Variants in CACNA2D3 observed in about 807,000 individuals in gnomAD.
The protein encoded by CACNA2D3 is voltage-dependent calcium channel subunit alpha-2/delta-3.
CACNA2D3 carries 60 observed loss-of-function variants against 160.6 expected under a neutral mutation model. That is an observed-to-expected ratio of 0.37 (90% confidence interval 0.30 to 0.46). The LOEUF (loss-of-function observed/expected upper bound fraction) is 0.46, where lower values mean the gene tolerates loss of function less well. Ranked by LOEUF, CACNA2D3 falls within the 20% of genes least tolerant of loss-of-function variation. The probability of loss-of-function intolerance (pLI) is 1.00; values close to 1 mark genes in which losing one functional copy is unlikely to be tolerated. For synonymous variants in CACNA2D3, 558 were observed against 492.9 expected, an observed-to-expected ratio of 1.13 and a Z score of -1.75; for missense variants, 1,205 against 1,365.0, an observed-to-expected ratio of 0.88 and a Z score of 1.85.
At chr3:54,661,751 G>A (rs1199217879) in intron 11 of CACNA2D3, among the ~76,000 whole-genome samples, 5 of 152,030 alleles carry the variant, frequency 3.3e-5, no homozygotes, top group Admixed American at 2.0e-4. Context: ...TTCACCAGAG[G>A]TGGTAAAAGG....
intron 13 of CACNA2D3, among the ~76,000 whole-genome samples, chr3:54,796,330 T>C (rs1205974746): frequency 2.0e-5 from 3 of 152,180 alleles, no homozygotes; most frequent in Non-Finnish European, 2.9e-5. Context: ...GGGGGCTTTC[T>C]GTGAGCATGC....
At chr3:55,068,711 A>G (rs1704726925) in intron 35 of CACNA2D3, among the ~76,000 whole-genome samples, 1 of 152,126 alleles carries the variant, frequency 6.6e-6, no homozygotes, top group African/African-American at 2.4e-5. Flanking sequence ...GGTGCCAAGA[A>G]GACCACCGAG....
At chr3:54,838,425 C>T in intron 15 of CACNA2D3, 143 bp from the exon 16 acceptor site, 1 of 683,570 alleles carries the variant, frequency 1.5e-6, no homozygotes, top group Non-Finnish European at 2.6e-6. Flanking sequence ...TAGAAGAGAC[C>T]ATTCTTGGAG....
chr3:54,133,793 T>C (rs1699764165), intron 2 of CACNA2D3, among the ~76,000 whole-genome samples: 3 of 152,186 alleles, frequency 2.0e-5, no homozygotes, highest in Admixed American at 2.0e-4. Context: ...AGTTTTCCTT[T>C]GTGTATTCCC....
At chr3:55,016,719 T>G (rs1268377694) in intron 34 of CACNA2D3, among the ~76,000 whole-genome samples, 1 of 152,242 alleles carries the variant, frequency 6.6e-6, no homozygotes, top group Non-Finnish European at 1.5e-5. Flanking sequence ...TTCTATATTC[T>G]GACTAAAAGA....
chr3:54,536,424 T>C (rs927231811), intron 5 of CACNA2D3, among the ~76,000 whole-genome samples: 1 of 152,220 alleles, frequency 6.6e-6, no homozygotes, highest in Non-Finnish European at 1.5e-5. Context: ...AATTGAGATA[T>C]GCAGAGAGGG....
chr3:54,803,339 A>G (rs1325384756), intron 13 of CACNA2D3, among the ~76,000 whole-genome samples: 1 of 152,184 alleles, frequency 6.6e-6, no homozygotes, highest in Non-Finnish European at 1.5e-5. Context: ...GTATAAGTAG[A>G]ATAACCAATA....
chr3:54,856,049 A>C (rs1371426985), intron 17 of CACNA2D3, among the ~76,000 whole-genome samples: 1 of 152,178 alleles, frequency 6.6e-6, no homozygotes, highest in Non-Finnish European at 1.5e-5. Flanking sequence ...AAATATCATG[A>C]CACATCTGCT....
At position 54,880,916 on chromosome 3, in the gene CACNA2D3, AG is replaced by A. The variant is rs1575527800; in HGVS notation, c.1912+54del. 4.0e-6 allele frequency: 6 copies of A among 1,488,038 alleles called. No homozygotes were observed. The East Asian group carries it at 1.4e-4, about 34-fold the overall frequency. The allele number at this position is 1,488,038 out of a possible 1,614,324, so 92.2% of individuals were successfully genotyped here. On this transcript the variant is annotated intron_variant, in intron 21 of 37. Transcript: ENST00000474759. The stretch of plus-strand genomic sequence containing the variant: ...CTTTGGTGTGGGAGGAAAGCTCGGG[AG>A]CTAGCTACTGAGTTAGCTGAAGAAC...
chr3:54,648,694 C>T (rs1031136386), intron 11 of CACNA2D3, among the ~76,000 whole-genome samples: 6 of 152,206 alleles, frequency 3.9e-5, no homozygotes, highest in Non-Finnish European at 7.3e-5. Context: ...GTATATGGCA[C>T]GTGGATCTGC....
At chr3:54,149,992 C>G (rs916372068) in intron 2 of CACNA2D3, among the ~76,000 whole-genome samples, 1 of 136,366 alleles carries the variant, frequency 7.3e-6, no homozygotes, top group Non-Finnish European at 1.5e-5. Context: ...CTCCCCTCCC[C>G]CTCTGTTTCT....
chr3:54,519,040 T>G (rs11718451), intron 5 of CACNA2D3, among the ~76,000 whole-genome samples: 2,065 of 35,368 alleles, frequency 0.058, 8 homozygotes, highest in South Asian at 0.13. Flanking sequence ...CACACGGAAG[T>G]CATGGTGACG....
At chr3:54,798,657 A>C (rs1702920271) in intron 13 of CACNA2D3, among the ~76,000 whole-genome samples, 1 of 152,226 alleles carries the variant, frequency 6.6e-6, no homozygotes, top group Non-Finnish European at 1.5e-5. Flanking sequence ...TTACTATAAG[A>C]CAGAATCTCA....
rs746217984 is a variant in CACNA2D3, at chr3:54,971,917, T to C, written c.2556+2073T>C. ...TAGAAATATCCACCTCACAGAGTAA[T>C]GGTGAAGAATGAATAGATAAGACAT... On this transcript the variant is annotated intron_variant, in intron 29 of 37. Coordinates refer to ENST00000474759, the MANE Select transcript of CACNA2D3 (RefSeq NM_018398.3). 5.5e-4 allele frequency among the ~76,000 whole-genome samples: 84 copies of C among 152,228 alleles called. 1 individual carries two copies. The highest frequency in any genetic ancestry group is 2.8e-3 in the Admixed American group (43 of 15,298).
At chr3:54,626,601 G>A in intron 9 of CACNA2D3, 1 of 1,487,166 alleles carries the variant, frequency 6.7e-7, no homozygotes, top group Admixed American at 1.8e-5. Flanking sequence ...AGCACGGCGG[G>A]CCCGGCATCG....
At chr3:54,662,776 A>T (rs986266406) in intron 11 of CACNA2D3, among the ~76,000 whole-genome samples, 1 of 152,240 alleles carries the variant, frequency 6.6e-6, no homozygotes, top group African/African-American at 2.4e-5. Flanking sequence ...GGAAAGGGAA[A>T]TATCTTCTCA....
At chr3:54,280,399 A>T (rs1333976287) in intron 2 of CACNA2D3, among the ~76,000 whole-genome samples, 2 of 152,100 alleles carry the variant, frequency 1.3e-5, no homozygotes, top group African/African-American at 4.8e-5. Context: ...CATTTAATAC[A>T]TATTTATTAA....
chr3:54,265,119 C>T (rs957449581), intron 2 of CACNA2D3, among the ~76,000 whole-genome samples: 1 of 152,156 alleles, frequency 6.6e-6, no homozygotes, highest in Non-Finnish European at 1.5e-5. Context: ...ATTGCTGGGT[C>T]AAATGGTATT....
intron 3 of CACNA2D3, among the ~76,000 whole-genome samples, chr3:54,335,684 A>G (rs1575401859): frequency 1.3e-5 from 2 of 152,274 alleles, no homozygotes; most frequent in South Asian, 2.1e-4. Flanking sequence ...AGTAGGTCTC[A>G]GCCTTATTTT....
Sources: allele counts gnomAD v4.1 joint callset (sites outside exome capture counted in the v4.1 genomes callset), GRCh38; gene constraint gnomAD v4.1.1; transcripts MANE v1.5; gene names NCBI Gene and HGNC (gene_info 2026-07-23, HGNC 2026-07-21).